The following ZSCAN5A variants were observed in gnomAD, a reference collection of about 807,000 sequenced individuals.
The protein encoded by ZSCAN5A is zinc finger and SCAN domain containing 5A.
Under a neutral mutation model 23.7 loss-of-function variants are expected in ZSCAN5A, and 12 were observed. That is an observed-to-expected ratio of 0.51 (90% CI 0.32 to 0.82). ZSCAN5A has a LOEUF of 0.82. Among genes scored for constraint, ZSCAN5A ranks in the 40% least tolerant of loss-of-function variants. ZSCAN5A has a pLI of 0.03. For missense variants in ZSCAN5A, 597 were observed against 617.9 expected (o/e 0.97, Z 0.36); for synonymous variants, 257 against 239.9 (o/e 1.07, Z -0.66).
chr19:56,288,375 C>T (rs1316879627), intron 2 of ZSCAN5A, among the ~76,000 whole-genome samples: 4 of 152,226 alleles, frequency 2.6e-5, no homozygotes, highest in East Asian at 3.9e-4. Context: ...AACCCCTGCT[C>T]ATCTTCCAGG....
chr19:56,236,937 T>C (rs1241342491), intron 2 of ZSCAN5A, among the ~76,000 whole-genome samples: 1 of 151,934 alleles, frequency 6.6e-6, no homozygotes, highest in South Asian at 2.1e-4. Flanking sequence ...AAGCCTCCAC[T>C]CCAGCCTCTG....
intron 2 of ZSCAN5A, among the ~76,000 whole-genome samples, chr19:56,265,871 T>G (rs1221859572): frequency 6.6e-6 from 1 of 152,212 alleles, no homozygotes; most frequent in Non-Finnish European, 1.5e-5. Context: ...AAGGATCTGG[T>G]GCAAGGAGCT....
chr19:56,305,208 C>A (rs140324779), intron 2 of ZSCAN5A, among the ~76,000 whole-genome samples: 3 of 152,296 alleles, frequency 2.0e-5, no homozygotes, highest in South Asian at 2.1e-4. Context: ...CCAGAATCTT[C>A]TCATCATCCT....
chr19:56,360,101 G>C (rs571063887), intron 2 of ZSCAN5A, among the ~76,000 whole-genome samples: 2 of 152,148 alleles, frequency 1.3e-5, no homozygotes, highest in African/African-American at 4.8e-5. Context: ...AAGAAATAAA[G>C]GGTATTCAAA....
chr19:56,280,053 C>T (rs1437497622), intron 2 of ZSCAN5A, among the ~76,000 whole-genome samples: 3 of 152,130 alleles, frequency 2.0e-5, no homozygotes, highest in African/African-American at 7.2e-5. Flanking sequence ...CACTCATTTC[C>T]CTTCCCCGAA....
Position 56,225,179 on chromosome 19 carries a change from G to C in ZSCAN5A, c.-127-6C>G, listed in dbSNP as rs2033798460. The C allele has an allele frequency of 7.3e-7, 1 of 1,374,778 alleles. No individual in the cohort carries two copies. The highest frequency in any genetic ancestry group is 1.6e-5 in the South Asian group (1 of 64,404). 85.2% of individuals were successfully genotyped at this position (1,374,778 alleles called of 1,614,324 possible). On this transcript the variant is annotated splice_region_variant and splice_polypyrimidine_tract_variant and intron_variant, in intron 2 of 5. Coordinates refer to ENST00000683990, the MANE Select transcript of ZSCAN5A (RefSeq NM_001322064.3). The stretch of plus-strand genomic sequence containing the variant: ...TTCACTGTTCATTCAGAAGTCTGGG[G>C]GGGAAAAGTATGAGCCTCATTAGTT...
At chr19:56,237,700 G>A (rs545057287) in intron 2 of ZSCAN5A, among the ~76,000 whole-genome samples, 3 of 152,004 alleles carry the variant, frequency 2.0e-5, no homozygotes, top group East Asian at 3.9e-4. Context: ...CGGGCGGATC[G>A]CTTGAGCTCA....
chr19:56,238,597 T>C (rs557034701), intron 2 of ZSCAN5A, among the ~76,000 whole-genome samples: 1 of 152,092 alleles, frequency 6.6e-6, no homozygotes, highest in African/African-American at 2.4e-5. Context: ...GAGTTTTCCA[T>C]TGCACCCAGC....
chr19:56,278,257 C>G (rs949833417), intron 2 of ZSCAN5A, among the ~76,000 whole-genome samples: 5 of 152,098 alleles, frequency 3.3e-5, no homozygotes, highest in Non-Finnish European at 7.3e-5. Flanking sequence ...AAGTAGCCTC[C>G]CAAGTAGCTG....
Position 56,342,805 on chromosome 19 carries a change from T to C in ZSCAN5A, c.-358+20430A>G, listed in dbSNP as rs1442637331. 1.8e-5 allele frequency: 14 copies of C among 769,926 alleles called. No homozygotes were observed. In the East Asian group the frequency reaches 3.4e-4, roughly 19 times the overall value. 47.7% of individuals were successfully genotyped at this position (769,926 alleles called of 1,614,324 possible). ...ATACAGAGTACTGAACTGGGACCAA[T>C]CATAAGACATTTTCCTAAGACATCT... On this transcript the variant is annotated intron_variant, in intron 2 of 6. Coordinates refer to the ZSCAN5A transcript ENST00000587340.
At chr19:56,242,635 T>C (rs2035517220) in intron 2 of ZSCAN5A, among the ~76,000 whole-genome samples, 2 of 152,180 alleles carry the variant, frequency 1.3e-5, no homozygotes, top group African/African-American at 4.8e-5. Context: ...TTCGGTTGCT[T>C]CCCCCACCTG....
chr19:56,332,977 A>T (rs2041502947), intron 2 of ZSCAN5A, among the ~76,000 whole-genome samples: 1 of 152,216 alleles, frequency 6.6e-6, no homozygotes, highest in Non-Finnish European at 1.5e-5. Context: ...GAATGCTGAA[A>T]ATAGGCCTTC....
chr19:56,293,004 G>T (rs1397969036), intron 2 of ZSCAN5A, among the ~76,000 whole-genome samples: 1 of 152,040 alleles, frequency 6.6e-6, no homozygotes, highest in African/African-American at 2.4e-5. Flanking sequence ...TTCGGCTGAG[G>T]ACACACTCTT....
intron 2 of ZSCAN5A, among the ~76,000 whole-genome samples, chr19:56,249,758 G>C (rs28647525): frequency 0.54 from 82,532 of 151,862 alleles, 24,576 homozygotes; most frequent in African/African-American, 0.81. Flanking sequence ...TGATACGATG[G>C]CCTCCTCTTC....
chr19:56,346,809 C>T (rs992121578), intron 2 of ZSCAN5A, among the ~76,000 whole-genome samples: 17 of 151,896 alleles, frequency 1.1e-4, no homozygotes, highest in African/African-American at 3.9e-4. Context: ...CCTGGGTTCA[C>T]GCCATTCTCC....
intron 2 of ZSCAN5A, among the ~76,000 whole-genome samples, chr19:56,334,675 G>A (rs111414712): frequency 6.6e-6 from 1 of 152,154 alleles, no homozygotes; most frequent in African/African-American, 2.4e-5. Context: ...CTTCACTGGT[G>A]ATACCTCCAG....
intron 2 of ZSCAN5A, among the ~76,000 whole-genome samples, chr19:56,271,736 G>A (rs1050558181): frequency 1.3e-5 from 2 of 152,152 alleles, no homozygotes; most frequent in African/African-American, 4.8e-5. Flanking sequence ...TTCCTTCCAG[G>A]ACACTACACA....
chr19:56,281,484 T>C (rs2038702770), intron 2 of ZSCAN5A, among the ~76,000 whole-genome samples: 1 of 152,238 alleles, frequency 6.6e-6, no homozygotes, highest in Non-Finnish European at 1.5e-5. Context: ...GTATTGATCT[T>C]TGTCAAATTT....
chr19:56,321,264 A>G (rs982388369), intron 2 of ZSCAN5A: 10 of 668,858 alleles, frequency 1.5e-5, no homozygotes, highest in Non-Finnish European at 2.5e-5. Context: ...AGTGCCAGCA[A>G]TCATCATCTT....
Sources: allele counts gnomAD v4.1 joint callset (sites outside exome capture counted in the v4.1 genomes callset), GRCh38; gene constraint gnomAD v4.1.1; transcripts MANE v1.5; gene names NCBI Gene and HGNC (gene_info 2026-07-23, HGNC 2026-07-21).